Variants in ANLN observed in about 807,000 individuals in gnomAD.
The protein encoded by ANLN is anillin.
In ANLN, 59 loss-of-function variants were observed where a neutral mutation model predicts 135.1. The observed-to-expected ratio is 0.44, with a 90% confidence interval of 0.35 to 0.54. The LOEUF (loss-of-function observed/expected upper bound fraction) is 0.54, where lower values mean the gene tolerates loss of function less well. Ranked by LOEUF, ANLN falls within the 20% of genes least tolerant of loss-of-function variation. ANLN has a pLI of 0.00. For synonymous variants in ANLN, 406 were observed against 456.4 expected, an observed-to-expected ratio of 0.89 and a Z score of 1.41; for missense variants, 1,182 against 1,340.0, an observed-to-expected ratio of 0.88 and a Z score of 1.84.
intron 4 of ANLN, among the ~76,000 whole-genome samples, chr7:36,407,177 AC>A (rs1248258728): frequency 6.6e-6 from 1 of 152,166 alleles, no homozygotes; most frequent in African/African-American, 2.4e-5. Context: ...TCCCAGCTGT[AC>A]TACATAATTA....
At chr7:36,441,717 T>A (rs1016384011) in intron 21 of ANLN, among the ~76,000 whole-genome samples, 1 of 152,248 alleles carries the variant, frequency 6.6e-6, no homozygotes, top group African/African-American at 2.4e-5. Flanking sequence ...TATTCCTCTC[T>A]GATTATAGTA....
At chr7:36,404,872 G>A (rs1787123501) in intron 3 of ANLN, among the ~76,000 whole-genome samples, 1 of 152,210 alleles carries the variant, frequency 6.6e-6, no homozygotes, top group African/African-American at 2.4e-5. Flanking sequence ...GTCAGATGGT[G>A]CAAGATTCAT....
chr7:36,390,246 A>G, intron 1 of ANLN: 1 of 761,516 alleles, frequency 1.3e-6, no homozygotes, highest in Non-Finnish European at 2.1e-6. Flanking sequence ...TTTCGGTCCT[A>G]CAGATAAAAC....
intron 10 of ANLN, among the ~76,000 whole-genome samples, 158 bp from the exon 11 acceptor site, chr7:36,420,010 CT>C (rs1787807967): frequency 6.6e-6 from 1 of 151,778 alleles, no homozygotes; most frequent in Non-Finnish European, 1.5e-5. Context: ...TTTATTTATT[CT>C]TTTATGTGTT....
At chr7:36,429,474 G>T (rs1583637965) in intron 20 of ANLN, among the ~76,000 whole-genome samples, 1 of 152,154 alleles carries the variant, frequency 6.6e-6, no homozygotes. Flanking sequence ...GCTCGCCTTG[G>T]TCTCACAAAG....
chr7:36,397,552 CA>C (rs1228004364), intron 2 of ANLN, among the ~76,000 whole-genome samples: 1 of 151,798 alleles, frequency 6.6e-6, no homozygotes, highest in Non-Finnish European at 1.5e-5. Flanking sequence ...TAGATGTGTT[CA>C]TAGAAAATAG....
chr7:36,420,961 T>C (rs969961351), intron 12 of ANLN, among the ~76,000 whole-genome samples: 4 of 152,246 alleles, frequency 2.6e-5, no homozygotes, highest in East Asian at 1.9e-4. Context: ...TGCTGAAATA[T>C]TTATTTTTAA....
At chr7:36,391,687 T>G (rs962631095) in intron 1 of ANLN, among the ~76,000 whole-genome samples, 5 of 152,216 alleles carry the variant, frequency 3.3e-5, no homozygotes, top group Non-Finnish European at 5.9e-5. Flanking sequence ...AATGACTCTC[T>G]CAACCAGGGT....
intron 12 of ANLN, among the ~76,000 whole-genome samples, 177 bp from the exon 13 acceptor site, chr7:36,421,680 G>A (rs1430414767): frequency 2.0e-5 from 3 of 152,188 alleles, no homozygotes; most frequent in Non-Finnish European, 4.4e-5. Flanking sequence ...CTTAATTATT[G>A]TAACATGCTA....
At chr7:36,440,559 G>A (rs1026673035) in intron 21 of ANLN, among the ~76,000 whole-genome samples, 10 of 152,112 alleles carry the variant, frequency 6.6e-5, no homozygotes, top group Admixed American at 5.9e-4. Context: ...GGTGAAAGGA[G>A]GATTTTGTCA....
intron 22 of ANLN, among the ~76,000 whole-genome samples, chr7:36,445,350 G>A (rs1466375970): frequency 6.6e-6 from 1 of 151,578 alleles, no homozygotes; most frequent in East Asian, 1.9e-4. Context: ...TTCAGATTTT[G>A]GATGTTTAAC....
Position 36,421,964 on chromosome 7 carries a change from T to A in ANLN, c.2271T>A (p.Ala757=). 6.2e-7 allele frequency: 1 copy of A among 1,613,576 alleles called. No individual in the cohort carries two copies. Among genetic ancestry groups the A allele is most frequent in the Non-Finnish European group, 8.5e-7 (1 of 1,179,760 alleles). Residue 757 remains alanine, a synonymous_variant, in exon 13 of 24, where the codon GCT becomes GCA. Transcript: ENST00000265748. Reference sequence around the variant, plus strand: ...ATGGAAAAGGGTCCCTAGAAGAAGCTGAAGCAGAAAGACTTCTTCTAATTG... The same window carrying A: ...ATGGAAAAGGGTCCCTAGAAGAAGCAGAAGCAGAAAGACTTCTTCTAATTG... The part of the protein sequence containing the change: ...EEHGKGSLEE[A]EAERLLLIAT...
chr7:36,443,306 A>T (rs1788854820), intron 21 of ANLN, among the ~76,000 whole-genome samples: 1 of 152,222 alleles, frequency 6.6e-6, no homozygotes, highest in African/African-American at 2.4e-5. Context: ...TCCTGTTAGA[A>T]AACTTGATCT....
intron 20 of ANLN, among the ~76,000 whole-genome samples, chr7:36,427,487 G>T (rs1418778801): frequency 6.6e-6 from 1 of 151,978 alleles, no homozygotes; most frequent in Non-Finnish European, 1.5e-5. Context: ...AAGTAGCTGG[G>T]ACTACAGGCA....
chr7:36,425,613 T>C (rs1014803978), intron 17 of ANLN, 89 bp from the exon 18 acceptor site: 3 of 1,038,100 alleles, frequency 2.9e-6, no homozygotes, highest in Non-Finnish European at 2.9e-6. Context: ...TTATTTTCTA[T>C]GTAGGAATTT....
chr7:36,412,327 A>ATATATAT (rs1491401014), intron 7 of ANLN, among the ~76,000 whole-genome samples: 40 of 94,798 alleles, frequency 4.2e-4, no homozygotes, highest in East Asian at 1.8e-3. Flanking sequence ...ATATATATAT[A>ATATATAT]TTTTTTTTTT....
intron 19 of ANLN, among the ~76,000 whole-genome samples, chr7:36,426,594 T>C (rs950754893): frequency 6.6e-6 from 1 of 152,202 alleles, no homozygotes; most frequent in Non-Finnish European, 1.5e-5. Flanking sequence ...AGATAGTTTC[T>C]GCTGCTGATT....
intron 23 of ANLN, 112 bp downstream of exon 23, chr7:36,449,949 C>A: frequency 2.0e-6 from 2 of 1,000,562 alleles, no homozygotes; most frequent in South Asian, 2.1e-5. Context: ...AGGGCACAGC[C>A]TTAGTGAGAA....
At chr7:36,416,161 C>T (rs1482458915) in intron 8 of ANLN, among the ~76,000 whole-genome samples, 1 of 152,148 alleles carries the variant, frequency 6.6e-6, no homozygotes, top group Non-Finnish European at 1.5e-5. Flanking sequence ...GCTGGGATTA[C>T]AGGCGCCTGC....
Sources: allele counts gnomAD v4.1 joint callset (sites outside exome capture counted in the v4.1 genomes callset), GRCh38; gene constraint gnomAD v4.1.1; transcripts MANE v1.5; gene names NCBI Gene and HGNC (gene_info 2026-07-23, HGNC 2026-07-21).